The following PTPRT variants were observed in gnomAD, a reference collection of about 807,000 sequenced individuals.
The protein encoded by PTPRT is receptor-type tyrosine-protein phosphatase T.
PTPRT carries 56 observed loss-of-function variants against 176.8 expected under a neutral mutation model. The observed-to-expected ratio is 0.32, with a 90% confidence interval of 0.26 to 0.40. The LOEUF (loss-of-function observed/expected upper bound fraction) is 0.40. Ranked by LOEUF, PTPRT falls within the 10% of genes least tolerant of loss-of-function variation. The pLI is 1.00. For missense variants in PTPRT, 1,540 were observed against 1,908.2 expected (o/e 0.81, Z 3.60); for synonymous variants, 783 against 739.0 (o/e 1.06, Z -0.96).
intron 7 of PTPRT, among the ~76,000 whole-genome samples, chr20:42,559,797 C>T (rs554454681): frequency 6.6e-6 from 1 of 152,332 alleles, no homozygotes; most frequent in East Asian, 1.9e-4. Flanking sequence ...TCAGTCATTG[C>T]TTTGCACAGC....
chr20:42,850,950 C>A (rs2078458510), intron 2 of PTPRT, among the ~76,000 whole-genome samples: 1 of 152,184 alleles, frequency 6.6e-6, no homozygotes, highest in Non-Finnish European at 1.5e-5. Flanking sequence ...CCACAGACAT[C>A]TTCCATCTTT....
At chr20:42,081,045 T>C (rs1983275489) in intron 30 of PTPRT, 113 bp from the exon 31 acceptor site, 1 of 851,290 alleles carries the variant, frequency 1.2e-6, no homozygotes, top group Non-Finnish European at 1.8e-6. Flanking sequence ...GAAAACTTTT[T>C]CTATATCCAT....
chr20:42,282,852 G>T (rs1246905908), intron 12 of PTPRT, among the ~76,000 whole-genome samples: 1 of 152,076 alleles, frequency 6.6e-6, no homozygotes, highest in Non-Finnish European at 1.5e-5. Context: ...ACACGTAGTG[G>T]GTACTTGGGG....
chr20:43,125,710 C>A, intron 1 of PTPRT, among the ~76,000 whole-genome samples: 1 of 152,184 alleles, frequency 6.6e-6, no homozygotes, highest in South Asian at 2.1e-4. Flanking sequence ...TAAGAGAATG[C>A]ATTCTAAATT....
intron 7 of PTPRT, among the ~76,000 whole-genome samples, chr20:42,656,275 G>A (rs1468814989): frequency 6.6e-6 from 1 of 152,054 alleles, no homozygotes; most frequent in Non-Finnish European, 1.5e-5. Flanking sequence ...AAAATGTCAG[G>A]TGCTAAAAAT....
At position 42,195,980 on chromosome 20, in the gene PTPRT, C is replaced by T. The variant is rs773512830; in HGVS notation, c.2491+3260G>A. Among the ~76,000 whole-genome samples the T allele has an allele frequency of 3.9e-5, 6 of 152,212 alleles. No individual in the cohort carries two copies. The East Asian group carries it at 7.7e-4, about 20-fold the overall frequency. ...TAAGGGTCTAAGTTTTGGCCCATAG[C>T]GAACAGTGACAATGTTATCCTTTGA... On this transcript the variant is annotated intron_variant, in intron 16 of 30. Coordinates refer to ENST00000373187, the MANE Select transcript of PTPRT (RefSeq NM_007050.6).
chr20:42,227,296 C>A (rs2146817785), intron 15 of PTPRT, among the ~76,000 whole-genome samples: 1 of 152,188 alleles, frequency 6.6e-6, no homozygotes, highest in Middle Eastern at 3.4e-3. Context: ...TAAAGCCAAC[C>A]CCAGGGGAGG....
At position 42,121,019 on chromosome 20, in the gene PTPRT, CTTTTTGCCCTGTTGAGGTAGA is replaced by C. The variant is rs548652494; in HGVS notation, c.2848-1069_2848-1049del. On this transcript the variant is annotated intron_variant, in intron 19 of 30. Transcript: ENST00000373187. ...TTTGTCTTAGATGTTGCTGACCAGT[CTTTTTGCCCTGTTGAGGTAGA>C]TGAACTGCCTCGAGGCCACTTTCTT... Among the ~76,000 whole-genome samples the C allele has an allele frequency of 1.8e-3, 268 of 152,256 alleles. 4 individuals are homozygous for C. Among genetic ancestry groups the C allele is most frequent in the South Asian group, 0.016 (79 of 4,824 alleles).
chr20:42,830,965 C>A (rs989804644), intron 2 of PTPRT, among the ~76,000 whole-genome samples: 1 of 152,124 alleles, frequency 6.6e-6, no homozygotes, highest in African/African-American at 2.4e-5. Context: ...GGCCACACTG[C>A]CCAAAGCAAC....
At chr20:42,943,638 T>A (rs1261637937) in intron 1 of PTPRT, among the ~76,000 whole-genome samples, 2 of 152,130 alleles carry the variant, frequency 1.3e-5, no homozygotes, top group Admixed American at 6.5e-5. Context: ...TACAACCCCT[T>A]CTTCCTCCAT....
At chr20:42,379,274 C>G (rs535363039) in intron 9 of PTPRT, among the ~76,000 whole-genome samples, 1 of 152,212 alleles carries the variant, frequency 6.6e-6, no homozygotes. Flanking sequence ...CGGGTCAAGC[C>G]CCTTTATTGC....
At chr20:43,021,493 G>A (rs1356520766) in intron 1 of PTPRT, among the ~76,000 whole-genome samples, 2 of 152,138 alleles carry the variant, frequency 1.3e-5, no homozygotes, top group Non-Finnish European at 2.9e-5. Flanking sequence ...GATGGGGTAG[G>A]TCATACTTCC....
At chr20:42,124,764 G>T (rs149134667) in intron 19 of PTPRT, among the ~76,000 whole-genome samples, 15 of 152,142 alleles carry the variant, frequency 9.9e-5, no homozygotes, top group African/African-American at 2.7e-4. Flanking sequence ...TATGTAGTTG[G>T]TTCACAATTA....
chr20:42,693,879 TC>T (rs1262311592), intron 6 of PTPRT, among the ~76,000 whole-genome samples: 2 of 151,994 alleles, frequency 1.3e-5, no homozygotes, highest in African/African-American at 4.8e-5. Flanking sequence ...CCTCCCCACT[TC>T]CCCACCTCAT....
At chr20:42,975,792 A>G (rs1019529777) in intron 1 of PTPRT, among the ~76,000 whole-genome samples, 3 of 152,136 alleles carry the variant, frequency 2.0e-5, no homozygotes, top group African/African-American at 7.2e-5. Context: ...AGGCTAAAAC[A>G]TTAAAACCAC....
At chr20:42,908,140 C>T (rs1039226085) in intron 1 of PTPRT, among the ~76,000 whole-genome samples, 4 of 152,050 alleles carry the variant, frequency 2.6e-5, no homozygotes, top group African/African-American at 7.3e-5. Context: ...CACGACCCAC[C>T]GGGAAGGCAG....
rs551507741 is a variant in PTPRT, at chr20:42,747,282, T to G, written c.859+9180A>C. On this transcript the variant is annotated intron_variant, in intron 6 of 30. Coordinates refer to ENST00000373187, the MANE Select transcript of PTPRT (RefSeq NM_007050.6). ...GGGGTCTCGTCACATGCTTGTAAAG[T>G]AAGGACCTGAGCACTCTTCCCTGGA... is the stretch of plus-strand genomic sequence containing the variant. Among the ~76,000 whole-genome samples, 217 of 152,252 alleles carry G rather than the reference T, an allele frequency of 1.4e-3. 3 individuals carry two copies. The highest frequency in any genetic ancestry group is 5.1e-3 in the African/African-American group (210 of 41,550).
At chr20:42,187,106 G>T (rs988158748) in intron 16 of PTPRT, among the ~76,000 whole-genome samples, 19 of 152,262 alleles carry the variant, frequency 1.2e-4, no homozygotes, top group African/African-American at 4.6e-4. Context: ...GATCACGACA[G>T]CTCCCCCACC....
chr20:42,353,452 A>G (rs2058315579), intron 9 of PTPRT, among the ~76,000 whole-genome samples: 1 of 152,224 alleles, frequency 6.6e-6, no homozygotes, highest in Non-Finnish European at 1.5e-5. Flanking sequence ...TCTATGGTAT[A>G]TGAAGACCAT....
Sources: gnomAD v4.1 joint callset for allele counts (sites outside exome capture counted in the v4.1 genomes callset) on GRCh38, gnomAD v4.1.1 for gene constraint, MANE v1.5 for transcripts, NCBI Gene and HGNC (gene_info 2026-07-23, HGNC 2026-07-21) for gene names.